The following CEP112 variants were observed in gnomAD, a reference collection of about 807,000 sequenced individuals.
The protein encoded by CEP112 is centrosomal protein 112, also known as centrosomal protein of 112 kDa.
In CEP112, 127 loss-of-function variants were observed where a neutral mutation model predicts 153.0. The observed-to-expected ratio is 0.83, with a 90% CI of 0.72 to 0.96. The LOEUF (loss-of-function observed/expected upper bound fraction) is 0.96. CEP112 is among the 40% of genes least tolerant of loss of function. The pLI is 0.00. For synonymous variants in CEP112, 358 were observed against 374.4 expected (o/e 0.96, Z 0.51); for missense variants, 1,089 against 1,101.2 (o/e 0.99, Z 0.16).
intron 23 of CEP112, among the ~76,000 whole-genome samples, chr17:65,717,141 T>C (rs2049572461): frequency 6.6e-6 from 1 of 152,222 alleles, no homozygotes; most frequent in Admixed American, 6.5e-5. Flanking sequence ...TGGGCTCTCA[T>C]TGGGAAATAT....
intron 21 of CEP112, among the ~76,000 whole-genome samples, chr17:65,751,914 C>T (rs978687371): frequency 2.0e-5 from 3 of 152,076 alleles, no homozygotes; most frequent in Admixed American, 6.6e-5. Flanking sequence ...AGGTGCTCCA[C>T]CAGTGAGAGC....
chr17:65,659,076 A>G (rs2046216831), intron 24 of CEP112, among the ~76,000 whole-genome samples: 1 of 150,786 alleles, frequency 6.6e-6, no homozygotes, highest in South Asian at 2.1e-4. Flanking sequence ...CTTGAATATC[A>G]CCACCGCATA....
chr17:65,992,158 C>T (rs985628862), intron 17 of CEP112, among the ~76,000 whole-genome samples: 1 of 152,036 alleles, frequency 6.6e-6, no homozygotes, highest in African/African-American at 2.4e-5. Flanking sequence ...GTCATTATGA[C>T]TTTGCAGTTT....
intron 21 of CEP112, among the ~76,000 whole-genome samples, chr17:65,786,532 T>G (rs1020641229): frequency 2.0e-5 from 3 of 152,062 alleles, no homozygotes; most frequent in African/African-American, 7.2e-5. Context: ...GCTACTGATA[T>G]TTACACCTCT....
At chr17:65,716,394 C>G (rs1377706217) in intron 23 of CEP112, among the ~76,000 whole-genome samples, 2 of 152,116 alleles carry the variant, frequency 1.3e-5, no homozygotes, top group African/African-American at 2.4e-5. Context: ...CGGCTGACCT[C>G]AAGTGATCCG....
chr17:65,820,470 C>T (rs1043209411), intron 21 of CEP112, among the ~76,000 whole-genome samples: 5 of 152,038 alleles, frequency 3.3e-5, no homozygotes, highest in Non-Finnish European at 7.4e-5. Context: ...CAGCACTGAC[C>T]TAAATATACA....
At chr17:65,832,001 A>G (rs2146124568) in intron 21 of CEP112, among the ~76,000 whole-genome samples, 1 of 152,358 alleles carries the variant, frequency 6.6e-6, no homozygotes, top group Non-Finnish European at 1.5e-5. Context: ...CTGTTGTACC[A>G]CAGTGTAATA....
intron 4 of CEP112, among the ~76,000 whole-genome samples, chr17:66,136,820 G>C (rs1017759697): frequency 1.3e-5 from 2 of 152,106 alleles, no homozygotes; most frequent in African/African-American, 4.8e-5. Flanking sequence ...ACACACAGAA[G>C]TCCAGAGAAG....
chr17:66,180,081 T>C (rs1380151235), intron 2 of CEP112, among the ~76,000 whole-genome samples: 7 of 152,104 alleles, frequency 4.6e-5, no homozygotes, highest in Non-Finnish European at 1.0e-4. Context: ...TGTTGAATTC[T>C]GCTTGCAAGT....
At chr17:66,172,283 G>A (rs1192441494) in intron 4 of CEP112, among the ~76,000 whole-genome samples, 1 of 152,148 alleles carries the variant, frequency 6.6e-6, no homozygotes, top group Non-Finnish European at 1.5e-5. Flanking sequence ...CAGATAGTAA[G>A]CCTCTACACA....
intron 4 of CEP112, among the ~76,000 whole-genome samples, chr17:66,153,990 C>T (rs1391504171): frequency 4.6e-5 from 6 of 130,570 alleles, no homozygotes; most frequent in Non-Finnish European, 6.5e-5. Context: ...GAATGAAACC[C>T]TATCTCTACT....
At chr17:65,914,477 C>T (rs944461906) in intron 19 of CEP112, among the ~76,000 whole-genome samples, 5 of 151,866 alleles carry the variant, frequency 3.3e-5, no homozygotes, top group African/African-American at 7.3e-5. Flanking sequence ...AGGTGGCATT[C>T]GAAAAACAGA....
At chr17:65,965,975 G>A (rs1048859829) in intron 17 of CEP112, among the ~76,000 whole-genome samples, 30 of 152,096 alleles carry the variant, frequency 2.0e-4, no homozygotes, top group African/African-American at 4.6e-4. Flanking sequence ...CAGGAACAGC[G>A]CTCCTTTTTA....
At chr17:66,014,743 T>C (rs1293891754) in intron 16 of CEP112, among the ~76,000 whole-genome samples, 1 of 152,204 alleles carries the variant, frequency 6.6e-6, no homozygotes, top group Non-Finnish European at 1.5e-5. Context: ...GGCAGCCCCA[T>C]GCAGGATTCC....
chr17:65,856,731 T>A (rs1432401431), intron 20 of CEP112, among the ~76,000 whole-genome samples: 1 of 152,206 alleles, frequency 6.6e-6, no homozygotes, highest in Non-Finnish European at 1.5e-5. Context: ...GGAAAATCTT[T>A]AAAAAATGAG....
intron 18 of CEP112, among the ~76,000 whole-genome samples, chr17:65,936,815 T>C (rs1264064600): frequency 3.3e-4 from 19 of 58,032 alleles, no homozygotes; most frequent in Admixed American, 1.7e-3. Context: ...CCTCCCCCTC[T>C]CCCCACGGTC....
At chr17:66,149,888 G>GTTTTTTTTTTTTTTTTTT (rs71160535) in intron 4 of CEP112, among the ~76,000 whole-genome samples, 3 of 54,708 alleles carry the variant, frequency 5.5e-5, no homozygotes, top group African/African-American at 7.5e-5. Flanking sequence ...TTGTTTGTTT[G>GTTTTTTTTTTTTTTTTTT]TTTTTTTTTT....
chr17:65,873,295 G>C (rs909542446), intron 20 of CEP112, among the ~76,000 whole-genome samples: 2 of 152,124 alleles, frequency 1.3e-5, no homozygotes, highest in Non-Finnish European at 2.9e-5. Flanking sequence ...ACTAAACTGA[G>C]GTTACCACCA....
chr17:65,665,474 C>A (rs757343521), intron 24 of CEP112, among the ~76,000 whole-genome samples: 1 of 152,154 alleles, frequency 6.6e-6, no homozygotes, highest in Non-Finnish European at 1.5e-5. Flanking sequence ...GAGCACAGGG[C>A]AGATGAAAGA....
Sources: allele counts gnomAD v4.1 joint callset (sites outside exome capture counted in the v4.1 genomes callset), GRCh38; gene constraint gnomAD v4.1.1; transcripts MANE v1.5; gene names NCBI Gene and HGNC (gene_info 2026-07-23, HGNC 2026-07-21).